The following CCDC122 variants were observed in gnomAD, a reference collection of about 807,000 sequenced individuals.
CCDC122 encodes the protein coiled-coil domain containing 122.
A neutral mutation model predicts 37.0 loss-of-function variants in CCDC122; 38 were observed. That is an observed-to-expected ratio of 1.03 (90% CI 0.79 to 1.35). CCDC122 has a LOEUF of 1.35. Ranked by LOEUF, CCDC122 falls within the 40% of genes most tolerant of loss-of-function variation. CCDC122 has a pLI of 0.00. For missense variants in CCDC122, 305 were observed against 310.0 expected (o/e 0.98, Z 0.12); for synonymous variants, 83 against 95.6 (o/e 0.87, Z 0.77).
chr13:43,836,320 A>G (rs1953158763), downstream of CCDC122: 1 of 152,272 alleles, frequency 6.6e-6, no homozygotes, highest in South Asian at 2.1e-4. Context: ...ACATGATGTT[A>G]TAACTTTAAT....
chr13:43,826,210 A>T, intron 3 of CCDC122, among the ~76,000 whole-genome samples: 1 of 151,748 alleles, frequency 6.6e-6, no homozygotes, highest in African/African-American at 2.4e-5. Flanking sequence ...TTTTTTCTTC[A>T]CTCTACTCTA....
intron 4 of CCDC122, among the ~76,000 whole-genome samples, chr13:43,862,816 T>C (rs1221753544): frequency 6.6e-6 from 1 of 152,182 alleles, no homozygotes; most frequent in Non-Finnish European, 1.5e-5. Context: ...TTGGTTATCA[T>C]CTCTTCTCTT....
downstream of CCDC122, among the ~76,000 whole-genome samples, chr13:43,834,171 T>C (rs1953117152): frequency 6.6e-6 from 1 of 152,202 alleles, no homozygotes; most frequent in African/African-American, 2.4e-5. Context: ...TACAACTATC[T>C]GATCTTTGAC....
At chr13:43,858,162 A>G (rs983114257) in intron 6 of CCDC122, 1 of 152,166 alleles carries the variant, frequency 6.6e-6, no homozygotes, top group Non-Finnish European at 1.5e-5. Context: ...TGAAACATGC[A>G]TATTTTTATT....
intron 4 of CCDC122, among the ~76,000 whole-genome samples, chr13:43,866,353 A>G (rs1351887854): frequency 6.6e-6 from 1 of 152,184 alleles, no homozygotes; most frequent in African/African-American, 2.4e-5. Flanking sequence ...TAGTGTTAGA[A>G]AATGTCCCAG....
At chr13:43,870,500 C>T (rs779300470) in intron 2 of CCDC122, among the ~76,000 whole-genome samples, 4 of 152,048 alleles carry the variant, frequency 2.6e-5, no homozygotes, top group Non-Finnish European at 5.9e-5. Flanking sequence ...TACATTTATA[C>T]TTTCAGTATA....
rs756352864 is a variant in CCDC122 at position 43,869,342 on chromosome 13, A to T, written c.35T>A (p.Phe12Tyr). The T allele has an allele frequency of 7.5e-6, 12 of 1,607,762 alleles. No homozygotes were observed. Among genetic ancestry groups the T allele is most frequent in the Non-Finnish European group, 1.0e-5 (12 of 1,176,028 alleles). Residue 12 changes from phenylalanine (F) to tyrosine (Y), a missense_variant, in exon 3 of 7, where the codon TTT (phenylalanine) becomes TAT (tyrosine). Phe to Tyr is a conservative substitution (Grantham distance 22). Transcript: ENST00000444614. ...GACTGTTTCATTACCTTCTTTAGGA[A>T]ATCCTTGACTCTTCCTTTCTTTGTT... ...SDNKERKSQG[F>Y]PKEDNQDTSS...
At chr13:43,844,208 C>T (rs111794733) in intron 6 of CCDC122, among the ~76,000 whole-genome samples, 4 of 151,894 alleles carry the variant, frequency 2.6e-5, no homozygotes, top group African/African-American at 9.7e-5. Context: ...TAGCTTCACC[C>T]CATAATTTTC....
intron 6 of CCDC122, among the ~76,000 whole-genome samples, chr13:43,838,846 G>A (rs1230408080): frequency 6.6e-6 from 1 of 152,208 alleles, no homozygotes; most frequent in Non-Finnish European, 1.5e-5. Flanking sequence ...GGCACAATGA[G>A]AAATCATGCT....
intron 6 of CCDC122, among the ~76,000 whole-genome samples, chr13:43,853,899 G>T (rs1953823874): frequency 6.6e-6 from 1 of 152,108 alleles, no homozygotes; most frequent in African/African-American, 2.4e-5. Context: ...TGATTTTTGA[G>T]TAAATTATGA....
chr13:43,822,818 T>C (rs1165828286), downstream of CCDC122, among the ~76,000 whole-genome samples: 1 of 152,128 alleles, frequency 6.6e-6, no homozygotes, highest in Non-Finnish European at 1.5e-5. Context: ...CTTCCAGGCC[T>C]GAGACTCACC....
intron 3 of CCDC122, among the ~76,000 whole-genome samples, chr13:43,826,091 T>C (rs1953038176): frequency 6.6e-6 from 1 of 152,244 alleles, no homozygotes; most frequent in South Asian, 2.1e-4. Context: ...TAATGCTTTG[T>C]AATCTACTTT....
At chr13:43,869,263 T>C (rs1954370039) in intron 3 of CCDC122, 68 bp downstream of exon 3, 1 of 1,157,140 alleles carries the variant, frequency 8.6e-7, no homozygotes, top group Admixed American at 1.8e-5. Flanking sequence ...AACACAATTA[T>C]CCTGCCAGAC....
At chr13:43,870,124 AAAAGC>A (rs1566954584) in intron 2 of CCDC122, among the ~76,000 whole-genome samples, 1 of 152,312 alleles carries the variant, frequency 6.6e-6, no homozygotes, top group East Asian at 1.9e-4. Flanking sequence ...AACAAAAAAG[AAAAGC>A]AAAGTTAAAT....
At chr13:43,860,247 CAGA>C (rs1954064262) in intron 4 of CCDC122, among the ~76,000 whole-genome samples, 177 bp from the exon 5 acceptor site, 1 of 151,890 alleles carries the variant, frequency 6.6e-6, no homozygotes, top group African/African-American at 2.4e-5. Context: ...TTTATAATTT[CAGA>C]AGGACCTCAG....
At chr13:43,859,193 A>T (rs1477895754) in intron 5 of CCDC122, among the ~76,000 whole-genome samples, 1 of 152,142 alleles carries the variant, frequency 6.6e-6, no homozygotes, top group South Asian at 2.1e-4. Context: ...CTCTAGCAAG[A>T]AATGATCAAT....
At chr13:43,834,505 C>T (rs1953121121), downstream of CCDC122, among the ~76,000 whole-genome samples, 1 of 152,106 alleles carries the variant, frequency 6.6e-6, no homozygotes, top group South Asian at 2.1e-4. Flanking sequence ...AATAAACCAC[C>T]ATCAGAGTGA....
At chr13:43,823,688 G>A (rs1039218255), downstream of CCDC122, among the ~76,000 whole-genome samples, 17 of 152,340 alleles carry the variant, frequency 1.1e-4, no homozygotes, top group African/African-American at 2.2e-4. Flanking sequence ...ATGCGTGGGC[G>A]CTAGGTGAGC....
intron 2 of CCDC122, among the ~76,000 whole-genome samples, chr13:43,873,023 T>G (rs771887827): frequency 6.6e-6 from 1 of 152,194 alleles, no homozygotes; most frequent in African/African-American, 2.4e-5. Context: ...TTCATTTTAC[T>G]TGACCTATTG....
Sources: gnomAD v4.1 joint callset for allele counts (sites outside exome capture counted in the v4.1 genomes callset) on GRCh38, gnomAD v4.1.1 for gene constraint, MANE v1.5 for transcripts, NCBI Gene and HGNC (gene_info 2026-07-23, HGNC 2026-07-21) for gene names.